PREX1: variants seen among roughly 807,000 people sequenced by gnomAD.
The protein encoded by PREX1 is phosphatidylinositol-3,4,5-trisphosphate dependent Rac exchange factor 1.
In PREX1, 41 loss-of-function variants were observed where a neutral mutation model predicts 198.3. The ratio of observed to expected loss-of-function variants is 0.21; its 90% CI spans 0.16 to 0.27. PREX1 has a LOEUF of 0.27. Among genes scored for constraint, PREX1 ranks in the 10% least tolerant of loss-of-function variants. PREX1 has a pLI of 1.00. For synonymous variants in PREX1, 843 were observed against 887.2 expected, an observed-to-expected ratio of 0.95 and a Z score of 0.89; for missense variants, 1,620 against 2,200.7, an observed-to-expected ratio of 0.74 and a Z score of 5.28.
At chr20:48,738,131 G>A (rs2090065095) in intron 3 of PREX1, among the ~76,000 whole-genome samples, 1 of 152,214 alleles carries the variant, frequency 6.6e-6, no homozygotes, top group African/African-American at 2.4e-5. Context: ...GGGCCAGAAA[G>A]CAGGGACAAA....
chr20:48,862,057 A>G, the PREX1 span, among the ~76,000 whole-genome samples: 1 of 151,954 alleles, frequency 6.6e-6, no homozygotes, highest in Non-Finnish European at 1.5e-5. Flanking sequence ...TAAAAATACA[A>G]AAGTTAGACA....
intron 5 of PREX1, among the ~76,000 whole-genome samples, chr20:48,723,249 A>AC (rs1160157359): frequency 1.3e-5 from 2 of 151,942 alleles, no homozygotes; most frequent in African/African-American, 4.8e-5. Flanking sequence ...GGCCACGGGG[A>AC]CCCCTGCAAG....
At chr20:48,643,275 C>T (rs1351883536) in intron 27 of PREX1, among the ~76,000 whole-genome samples, 2 of 152,188 alleles carry the variant, frequency 1.3e-5, no homozygotes, top group Non-Finnish European at 1.5e-5. Flanking sequence ...TCAAGACCAT[C>T]CTGGCCAACA....
Position 48,702,501 on chromosome 20 carries a change from C to T in PREX1, c.784-1615G>A, listed in dbSNP as rs73326999. Among the ~76,000 whole-genome samples the T allele has an allele frequency of 7.3e-3, 1,115 of 152,376 alleles. 13 individuals carry two copies. The highest frequency in any genetic ancestry group is 0.026 in the African/African-American group (1,070 of 41,584). On this transcript the variant is annotated intron_variant, in intron 6 of 39. Transcript: ENST00000371941. ...AGCCACAGACTACATCTCCCAGCCC[C>T]CCTTGTGCCAGGTGTGGTCACATGA...
intron 14 of PREX1, among the ~76,000 whole-genome samples, chr20:48,674,545 C>T (rs527559514): frequency 7.9e-5 from 12 of 152,298 alleles, no homozygotes; most frequent in African/African-American, 2.6e-4. Context: ...AATAGATATT[C>T]TTGAGGACTC....
rs73909725 is a variant in PREX1 at position 48,789,312 on chromosome 20, G to A, written c.219+38330C>T. 2.2e-3 allele frequency among the ~76,000 whole-genome samples: 341 copies of A among 152,316 alleles called. 3 individuals carry two copies. Among genetic ancestry groups the A allele is most frequent in the African/African-American group, 7.9e-3 (327 of 41,550 alleles). On this transcript the variant is annotated intron_variant, in intron 1 of 39. Coordinates refer to ENST00000371941, the MANE Select transcript of PREX1 (RefSeq NM_020820.4). ...CACCTTCATCACGGGACAACCTGCA[G>A]AGCCTCAGGCCCTGACTCTGCTCCT...
intron 6 of PREX1, among the ~76,000 whole-genome samples, chr20:48,704,784 G>T (rs1385359262): frequency 6.6e-6 from 1 of 152,188 alleles, no homozygotes; most frequent in Non-Finnish European, 1.5e-5. Context: ...TCAAACTCCT[G>T]GCCTCAGGTG....
chr20:48,782,150 A>C (rs2090292371), intron 1 of PREX1, among the ~76,000 whole-genome samples: 1 of 152,170 alleles, frequency 6.6e-6, no homozygotes, highest in Non-Finnish European at 1.5e-5. Flanking sequence ...CAAAGGAAAA[A>C]GTCAGGCTGG....
chr20:48,647,998 TG>T (rs2122885391), intron 25 of PREX1, among the ~76,000 whole-genome samples: 1 of 152,294 alleles, frequency 6.6e-6, no homozygotes, highest in East Asian at 1.9e-4. Context: ...CTCGATCTTC[TG>T]GGCTCAAGTC....
At chr20:48,732,884 T>C (rs566141114) in intron 4 of PREX1, among the ~76,000 whole-genome samples, 4 of 145,490 alleles carry the variant, frequency 2.7e-5, no homozygotes, top group African/African-American at 9.9e-5. Flanking sequence ...CCCCACCACC[T>C]GGAAGTAGGA....
intron 6 of PREX1, among the ~76,000 whole-genome samples, chr20:48,705,196 A>G (rs2089897226): frequency 6.6e-6 from 1 of 152,204 alleles, no homozygotes; most frequent in Admixed American, 6.5e-5. Context: ...GAGGCAAAGG[A>G]ATCTCTCCCC....
chr20:48,689,680 C>A (rs572539369), intron 9 of PREX1, among the ~76,000 whole-genome samples: 11 of 152,328 alleles, frequency 7.2e-5, no homozygotes, highest in African/African-American at 2.6e-4. Context: ...CATACTCAGC[C>A]CCGATCAATT....
chr20:48,672,274 GTC>G (rs2089680682), intron 14 of PREX1, among the ~76,000 whole-genome samples: 1 of 152,312 alleles, frequency 6.6e-6, no homozygotes, highest in Admixed American at 6.5e-5. Context: ...GCTCCTTTCT[GTC>G]TCTCACCTGC....
chr20:48,629,958 C>T (rs1013612291), intron 36 of PREX1, among the ~76,000 whole-genome samples: 9 of 152,136 alleles, frequency 5.9e-5, no homozygotes, highest in Non-Finnish European at 1.2e-4. Flanking sequence ...CCAACACAAG[C>T]GCCCCCTCTC....
chr20:48,647,282 G>A lies in PREX1; in HGVS notation c.3306-1225C>T, dbSNP rs374941724. 7.9e-5 allele frequency among the ~76,000 whole-genome samples: 12 copies of A among 152,108 alleles called. 1 individual carries two copies. Among genetic ancestry groups the A allele is most frequent in the African/African-American group, 2.7e-4 (11 of 41,400 alleles). On this transcript the variant is annotated intron_variant, in intron 25 of 39. Coordinates refer to ENST00000371941, the MANE Select transcript of PREX1 (RefSeq NM_020820.4). ...TCATATCTGTAATCCCAGCACTTTG[G>A]GAGGCCAAGGCGGGTGGGTCACGAG...
intron 14 of PREX1, among the ~76,000 whole-genome samples, chr20:48,671,614 C>T (rs73144093): frequency 0.16 from 23,977 of 152,174 alleles, 2,218 homozygotes; most frequent in Middle Eastern, 0.3. Context: ...AATACCCTCC[C>T]GCCCTACACA....
chr20:48,656,586 A>G, intron 18 of PREX1: 1 of 456,012 alleles, frequency 2.2e-6, no homozygotes, highest in South Asian at 1.6e-5. Flanking sequence ...CTTCCTCCAG[A>G]AATCCCCTTG....
At chr20:48,747,395 A>T (rs1445050773) in intron 2 of PREX1, among the ~76,000 whole-genome samples, 1 of 152,238 alleles carries the variant, frequency 6.6e-6, no homozygotes, top group Non-Finnish European at 1.5e-5. Context: ...CTGCCTGGAC[A>T]CTGGATGCCC....
At chr20:48,715,586 A>G (rs1390243270) in intron 5 of PREX1, among the ~76,000 whole-genome samples, 4 of 152,168 alleles carry the variant, frequency 2.6e-5, no homozygotes, top group Admixed American at 1.3e-4. Context: ...TCTGTGAAGG[A>G]GGCTAAGACT....
Sources: gnomAD v4.1 joint callset for allele counts (sites outside exome capture counted in the v4.1 genomes callset) on GRCh38, gnomAD v4.1.1 for gene constraint, MANE v1.5 for transcripts, NCBI Gene and HGNC (gene_info 2026-07-23, HGNC 2026-07-21) for gene names.